Variants in FAM53A observed in about 807,000 individuals in gnomAD.
FAM53A encodes the protein family with sequence similarity 53 member A, also known as protein FAM53A.
A neutral mutation model predicts 26.6 loss-of-function variants in FAM53A; 28 were observed. That is an observed-to-expected ratio of 1.05 (90% CI 0.78 to 1.45). The LOEUF is 1.45. Ranked by LOEUF, FAM53A falls within the 40% of genes most tolerant of loss-of-function variation. FAM53A has a pLI of 0.00. For missense variants in FAM53A, 650 were observed against 575.8 expected (o/e 1.13, Z -1.32); for synonymous variants, 290 against 253.1 (o/e 1.15, Z -1.38).
downstream of FAM53A, among the ~76,000 whole-genome samples, chr4:1,636,068 C>CG: frequency 6.6e-6 from 1 of 151,952 alleles, no homozygotes. Context: ...AGGATGGTCT[C>CG]GATCTCCTGA....
chr4:1,611,025 G>A, the FAM53A span, among the ~76,000 whole-genome samples: 1 of 152,228 alleles, frequency 6.6e-6, no homozygotes. Context: ...GCTGGACCAT[G>A]TGGCTTTGAA....
chr4:1,579,511 TGCAAC>T, the FAM53A span, among the ~76,000 whole-genome samples: 2 of 151,974 alleles, frequency 1.3e-5, no homozygotes, highest in Non-Finnish European at 2.9e-5. Flanking sequence ...CACCCAGAAG[TGCAAC>T]GCGCACGGGT....
At chr4:1,648,977 G>T (rs532426667) in intron 4 of FAM53A, among the ~76,000 whole-genome samples, 1 of 152,330 alleles carries the variant, frequency 6.6e-6, no homozygotes, top group Admixed American at 6.5e-5. Context: ...GCCAGGTGTG[G>T]TGGTGGGCGC....
At chr4:1,638,367 G>A (rs571509790), downstream of FAM53A, among the ~76,000 whole-genome samples, 1 of 152,186 alleles carries the variant, frequency 6.6e-6, no homozygotes, top group Non-Finnish European at 1.5e-5. Context: ...CTCCCCACCC[G>A]CAGAGGACAC....
chr4:1,636,328 G>A (rs952933355), downstream of FAM53A, among the ~76,000 whole-genome samples: 1 of 152,134 alleles, frequency 6.6e-6, no homozygotes, highest in Non-Finnish European at 1.5e-5. Context: ...TATCCTTATT[G>A]TTTCCTTTTG....
the FAM53A span, among the ~76,000 whole-genome samples, chr4:1,605,120 A>C: frequency 6.7e-6 from 1 of 150,354 alleles, no homozygotes; most frequent in African/African-American, 2.5e-5. The surrounding 1 kb of genome is among the most constrained non-coding windows in gnomAD (Gnocchi z 5.7). Flanking sequence ...AGCACCAACC[A>C]CTCCAAAGCT....
chr4:1,619,988 T>G (rs1714958184), intron 1 of FAM53A, among the ~76,000 whole-genome samples: 1 of 151,562 alleles, frequency 6.6e-6, no homozygotes, highest in Non-Finnish European at 1.5e-5. Context: ...GGTGGGCAGA[T>G]CACAAGGTCA....
the FAM53A span, among the ~76,000 whole-genome samples, chr4:1,579,258 C>CGGCCCCGG: frequency 4.9e-3 from 744 of 151,292 alleles, 3 homozygotes; most frequent in African/African-American, 0.017. Flanking sequence ...CCCCGGCCCC[C>CGGCCCCGG]GGCCCCGCCC....
chr4:1,667,034 G>A (rs547456121), intron 2 of FAM53A, among the ~76,000 whole-genome samples: 2 of 152,012 alleles, frequency 1.3e-5, no homozygotes, highest in African/African-American at 4.8e-5. Context: ...AGGCTGAGGC[G>A]GGAGAATTGC....
At chr4:1,676,587 A>G (rs1438738050) in intron 1 of FAM53A, among the ~76,000 whole-genome samples, 2 of 152,152 alleles carry the variant, frequency 1.3e-5, no homozygotes, top group Admixed American at 6.5e-5. Context: ...AAACGTGCAG[A>G]GGCCTCACCC....
the FAM53A span, among the ~76,000 whole-genome samples, chr4:1,596,163 T>C: frequency 6.6e-6 from 1 of 152,068 alleles, no homozygotes; most frequent in Non-Finnish European, 1.5e-5. Flanking sequence ...ACCCACAGAA[T>C]CACCAGGCCA....
chr4:1,653,354 C>T (rs1351167291), intron 4 of FAM53A, among the ~76,000 whole-genome samples: 1 of 152,222 alleles, frequency 6.6e-6, no homozygotes, highest in Non-Finnish European at 1.5e-5. Flanking sequence ...CCTGGTCTGT[C>T]TCCCAAGGCA....
intron 4 of FAM53A, among the ~76,000 whole-genome samples, chr4:1,642,428 C>T (rs2108810891): frequency 6.6e-6 from 1 of 152,196 alleles, no homozygotes; most frequent in East Asian, 1.9e-4. Flanking sequence ...ACCCCCTTCT[C>T]ACTCTGCCCC....
At chr4:1,634,906 A>T (rs544444870), downstream of FAM53A, among the ~76,000 whole-genome samples, 195 of 152,128 alleles carry the variant, frequency 1.3e-3, no homozygotes, top group African/African-American at 2.4e-3. Flanking sequence ...GTCTCAAAAA[A>T]AAAAAAATAA....
downstream of FAM53A, among the ~76,000 whole-genome samples, chr4:1,613,988 G>A (rs1172331493): frequency 6.6e-6 from 1 of 152,336 alleles, no homozygotes; most frequent in Middle Eastern, 3.4e-3. Flanking sequence ...CGAAGAAGAA[G>A]TGAGCACCAA....
Position 1,684,213 on chromosome 4 carries a change from G to C in FAM53A, c.-165+20C>G, listed in dbSNP as rs1201188358. ...ACAAGAGAGGAGGGGGCGGCGGCGC[G>C]CTCCGCCCGGGCTCGGTACCTGAGC... is the stretch of plus-strand genomic sequence containing the variant. On this transcript the variant is annotated intron_variant, in intron 1 of 4. Coordinates refer to ENST00000308132, the MANE Select transcript of FAM53A (RefSeq NM_001174070.3). 1.3e-5 allele frequency: 2 copies of C among 150,550 alleles called. No homozygotes were observed. The highest frequency in any genetic ancestry group is 4.9e-5 in the African/African-American group (2 of 40,982). The allele number at this position is 150,550 out of a possible 1,614,324, so 9.3% of individuals were successfully genotyped here.
the FAM53A span, among the ~76,000 whole-genome samples, chr4:1,589,130 C>G: frequency 6.6e-6 from 1 of 152,090 alleles, no homozygotes; most frequent in Admixed American, 6.5e-5. Context: ...AAATAGGTAG[C>G]TTTTGATCAA....
At chr4:1,613,765 ACAC>A (rs972713139), downstream of FAM53A, among the ~76,000 whole-genome samples, 2 of 152,166 alleles carry the variant, frequency 1.3e-5, no homozygotes, top group Non-Finnish European at 2.9e-5. Flanking sequence ...GAGAAAAACC[ACAC>A]AATTGTCTCA....
chr4:1,668,209 G>A (rs538167949), intron 2 of FAM53A, among the ~76,000 whole-genome samples: 3 of 151,474 alleles, frequency 2.0e-5, no homozygotes, highest in Middle Eastern at 3.4e-3. Flanking sequence ...GAGCGATCTC[G>A]GCTCACTGCA....
Sources: allele counts gnomAD v4.1 joint callset (sites outside exome capture counted in the v4.1 genomes callset), GRCh38; gene constraint gnomAD v4.1.1; non-coding constraint Gnocchi (gnomAD v3.1); transcripts MANE v1.5; gene names NCBI Gene and HGNC (gene_info 2026-07-23, HGNC 2026-07-21).